The following TP63 variants were observed in gnomAD, a reference collection of about 807,000 sequenced individuals.
TP63 encodes the protein tumor protein 63.
TP63 carries 17 observed loss-of-function variants against 82.8 expected under a neutral mutation model. That is an observed-to-expected ratio of 0.21 (90% CI 0.14 to 0.31). The LOEUF (loss-of-function observed/expected upper bound fraction) is 0.31, where lower values mean the gene tolerates loss of function less well. Ranked by LOEUF, TP63 falls within the 10% of genes least tolerant of loss-of-function variation. The pLI is 1.00. For missense variants in TP63, 648 were observed against 895.3 expected (o/e 0.72, Z 3.52); for synonymous variants, 330 against 321.7 (o/e 1.03, Z -0.28).
chr3:189,606,026 C>T, the TP63 span, among the ~76,000 whole-genome samples: 1 of 152,204 alleles, frequency 6.6e-6, no homozygotes, highest in South Asian at 2.1e-4. Flanking sequence ...AAATTTAAAA[C>T]AAAAATAAAC....
At chr3:189,809,305 T>G (rs1727278165) in intron 4 of TP63, among the ~76,000 whole-genome samples, 1 of 152,104 alleles carries the variant, frequency 6.6e-6, no homozygotes, top group Admixed American at 6.5e-5. Flanking sequence ...AAGAAATTGT[T>G]TTAAAAAATC....
chr3:189,795,591 C>T (rs766335410), intron 3 of TP63, among the ~76,000 whole-genome samples: 3 of 151,950 alleles, frequency 2.0e-5, no homozygotes, highest in East Asian at 3.9e-4. Flanking sequence ...TGCCAGACAA[C>T]GTGAAGGAAC....
intron 3 of TP63, among the ~76,000 whole-genome samples, chr3:189,766,635 A>G (rs1399971273): frequency 6.6e-6 from 1 of 152,194 alleles, no homozygotes; most frequent in Non-Finnish European, 1.5e-5. Context: ...GTTCATTGGA[A>G]TGTCTTTTCT....
intron 1 of TP63, among the ~76,000 whole-genome samples, chr3:189,693,936 G>A (rs761787220): frequency 5.9e-5 from 9 of 152,118 alleles, no homozygotes; most frequent in South Asian, 2.1e-4. Flanking sequence ...CAACAACACC[G>A]TTTTAGTGTT....
intron 4 of TP63, among the ~76,000 whole-genome samples, chr3:189,846,682 CTTTTTTTTTTTTT>C (rs1204688713): frequency 2.3e-4 from 16 of 70,628 alleles, no homozygotes; most frequent in Non-Finnish European, 3.2e-4. Flanking sequence ...TTTCCACATT[CTTTTTTTTTTTTT>C]TTTTTTTTTT....
At chr3:189,636,829 C>T (rs1729812457) in intron 1 of TP63, among the ~76,000 whole-genome samples, 1 of 152,100 alleles carries the variant, frequency 6.6e-6, no homozygotes, top group South Asian at 2.1e-4. Flanking sequence ...TAAGGAGCAC[C>T]TCTTACCACC....
At chr3:189,688,975 C>T (rs180908457) in intron 1 of TP63, among the ~76,000 whole-genome samples, 37 of 152,174 alleles carry the variant, frequency 2.4e-4, no homozygotes, top group African/African-American at 8.4e-4. Context: ...GGGAAGTAAA[C>T]TGCTTGATTC....
intron 10 of TP63, among the ~76,000 whole-genome samples, chr3:189,875,589 C>CATATATATATATATATAT (rs779050433): frequency 4.5e-5 from 2 of 44,424 alleles, no homozygotes; most frequent in Non-Finnish European, 8.0e-5. Flanking sequence ...AAAAAAAATA[C>CATATATATATATATATAT]ATACATATAT....
Position 189,868,090 on chromosome 3 carries a change from A to T in TP63, c.992+148A>T, listed in dbSNP as rs902962317. 6 of 754,966 alleles carry T rather than the reference A, an allele frequency of 7.9e-6. No individual in the cohort carries two copies. The South Asian group carries it at 9.0e-5, about 11-fold the overall frequency. The allele number at this position is 754,966 out of a possible 1,614,324, so 46.8% of individuals were successfully genotyped here. On this transcript the variant is annotated intron_variant, in intron 7 of 13. Transcript: ENST00000264731. ...AAATCCTTGCTACAAACGGTTACATAAAAGATCTAAGAAAGTGGAGACAAA... is the reference window on the plus strand; with the variant it reads ...AAATCCTTGCTACAAACGGTTACATTAAAGATCTAAGAAAGTGGAGACAAA...
chr3:189,865,881 A>T (rs1717663629), intron 5 of TP63, among the ~76,000 whole-genome samples: 1 of 152,234 alleles, frequency 6.6e-6, no homozygotes, highest in African/African-American at 2.4e-5. Flanking sequence ...CATTTTTTAA[A>T]CATAAAAATT....
chr3:189,630,209 T>C (rs144320198), upstream of TP63, among the ~76,000 whole-genome samples: 105 of 152,274 alleles, frequency 6.9e-4, no homozygotes, highest in Non-Finnish European at 1.3e-3. Context: ...TCTACTGATG[T>C]CACCTATTTA....
At chr3:189,879,718 G>A (rs1160836360) in intron 10 of TP63, among the ~76,000 whole-genome samples, 3 of 152,104 alleles carry the variant, frequency 2.0e-5, no homozygotes, top group African/African-American at 7.2e-5. Context: ...AGTGGTCCTC[G>A]ACTGAATCGC....
chr3:189,822,833 A>G (rs1393130969), intron 4 of TP63, among the ~76,000 whole-genome samples: 1 of 152,138 alleles, frequency 6.6e-6, no homozygotes, highest in African/African-American at 2.4e-5. Context: ...GATGTCCCCA[A>G]AGGCACAATA....
At chr3:189,812,643 A>G (rs1196946270) in intron 4 of TP63, among the ~76,000 whole-genome samples, 1 of 152,146 alleles carries the variant, frequency 6.6e-6, no homozygotes, top group Admixed American at 6.5e-5. Context: ...TCTCACCTAC[A>G]AATGGGAACA....
At chr3:189,710,759 G>A (rs1258426274) in intron 1 of TP63, among the ~76,000 whole-genome samples, 1 of 152,164 alleles carries the variant, frequency 6.6e-6, no homozygotes, top group African/African-American at 2.4e-5. Flanking sequence ...GGAAATTCCA[G>A]ATGACATGGG....
At chr3:189,657,944 A>G (rs1394718857) in intron 1 of TP63, among the ~76,000 whole-genome samples, 2 of 152,074 alleles carry the variant, frequency 1.3e-5, no homozygotes, top group African/African-American at 4.8e-5. Context: ...GCACACTTTC[A>G]TCCAGAATTT....
At chr3:189,607,973 G>A in the TP63 span, among the ~76,000 whole-genome samples, 4 of 151,866 alleles carry the variant, frequency 2.6e-5, no homozygotes, top group African/African-American at 9.7e-5. Context: ...TACTAGACTT[G>A]AGAGGTTCAG....
chr3:189,656,066 T>C (rs1374520426), intron 1 of TP63, among the ~76,000 whole-genome samples: 1 of 152,190 alleles, frequency 6.6e-6, no homozygotes, highest in Non-Finnish European at 1.5e-5. Flanking sequence ...CAAGATTGTA[T>C]AATAATTGAG....
At chr3:189,889,825 A>G (rs553813867) in intron 12 of TP63, among the ~76,000 whole-genome samples, 168 of 152,356 alleles carry the variant, frequency 1.1e-3, no homozygotes, top group African/African-American at 4.0e-3. Flanking sequence ...CCAAAAGGGC[A>G]ATAAACTTGC....
Sources: allele counts gnomAD v4.1 joint callset (sites outside exome capture counted in the v4.1 genomes callset), GRCh38; gene constraint gnomAD v4.1.1; transcripts MANE v1.5; gene names NCBI Gene and HGNC (gene_info 2026-07-23, HGNC 2026-07-21).